FOXJ3: variants seen among roughly 807,000 people sequenced by gnomAD.
FOXJ3 encodes forkhead box J3, also known as forkhead box protein J3.
FOXJ3 carries 22 observed loss-of-function variants against 76.1 expected under a neutral mutation model. The ratio of observed to expected loss-of-function variants is 0.29; its 90% CI spans 0.21 to 0.41. The LOEUF (loss-of-function observed/expected upper bound fraction) is 0.41, where lower values mean the gene tolerates loss of function less well. FOXJ3 is among the 10% of genes least tolerant of loss of function. FOXJ3 has a pLI of 1.00. For synonymous variants in FOXJ3, 269 were observed against 261.2 expected (o/e 1.03, Z -0.29); for missense variants, 613 against 762.1 (o/e 0.80, Z 2.30).
At chr1:42,269,387 G>A (rs1381659123) in intron 3 of FOXJ3, among the ~76,000 whole-genome samples, 2 of 152,130 alleles carry the variant, frequency 1.3e-5, no homozygotes, top group Non-Finnish European at 2.9e-5. Context: ...TTCAAAGGAA[G>A]TACACACCTC....
chr1:42,279,504 T>G (rs1319398872), intron 2 of FOXJ3, among the ~76,000 whole-genome samples: 1 of 152,180 alleles, frequency 6.6e-6, no homozygotes, highest in Non-Finnish European at 1.5e-5. Context: ...GTCCAGTGAT[T>G]TGAATTCTGT....
chr1:42,180,217 G>C (rs1276192367), intron 12 of FOXJ3, among the ~76,000 whole-genome samples: 1 of 152,226 alleles, frequency 6.6e-6, no homozygotes, highest in African/African-American at 2.4e-5. Context: ...TGGTAAACAG[G>C]ATAATGATGG....
chr1:42,268,573 T>C (rs1651644621), intron 3 of FOXJ3, among the ~76,000 whole-genome samples: 1 of 152,032 alleles, frequency 6.6e-6, no homozygotes, highest in South Asian at 2.1e-4. Flanking sequence ...ATATAAAAAA[T>C]AAATTGTATA....
At chr1:42,216,611 T>C (rs903849035) in intron 5 of FOXJ3, among the ~76,000 whole-genome samples, 1 of 152,076 alleles carries the variant, frequency 6.6e-6, no homozygotes, top group African/African-American at 2.4e-5. Context: ...TATGAACATC[T>C]ACAGATGTAA....
intron 11 of FOXJ3, among the ~76,000 whole-genome samples, chr1:42,184,403 T>G (rs376590954): frequency 1.3e-5 from 2 of 152,172 alleles, no homozygotes; most frequent in East Asian, 1.9e-4. Context: ...CATAAAAGTC[T>G]TAACTTTCTG....
rs72952373 is a variant in FOXJ3 at position 42,247,690 on chromosome 1, C to T, written c.444+17425G>A. 8.0e-3 allele frequency among the ~76,000 whole-genome samples: 1,220 copies of T among 152,258 alleles called. 17 individuals are homozygous for T. The highest frequency in any genetic ancestry group is 0.028 in the African/African-American group (1,158 of 41,554). On this transcript the variant is annotated intron_variant, in intron 4 of 12. Transcript: ENST00000361346. ...AACCTCAAAACTGTGCGAATGTAAA[C>T]GGTAAAGCTGGCTGTTCCTCAAAAG... is the stretch of plus-strand genomic sequence containing the variant.
At chr1:42,333,485 C>T (rs1172215633) in intron 1 of FOXJ3, among the ~76,000 whole-genome samples, 1 of 152,056 alleles carries the variant, frequency 6.6e-6, no homozygotes, top group Non-Finnish European at 1.5e-5. Flanking sequence ...AGATTCACCT[C>T]AATTCTGAGA....
chr1:42,316,349 T>TATTTTTTTTTTTTC (rs1553169820), intron 1 of FOXJ3, among the ~76,000 whole-genome samples: 1 of 135,090 alleles, frequency 7.4e-6, no homozygotes, highest in Admixed American at 7.7e-5. Flanking sequence ...TTTTTTTTTT[T>TATTTTTTTTTTTTC]CTGTAGAAAC....
intron 5 of FOXJ3, among the ~76,000 whole-genome samples, chr1:42,214,226 G>C (rs999175560): frequency 6.6e-6 from 1 of 152,056 alleles, no homozygotes; most frequent in East Asian, 1.9e-4. Context: ...TTTCAATAGA[G>C]AGAGTAAAGG....
At chr1:42,274,732 T>C (rs1406386266) in intron 3 of FOXJ3, among the ~76,000 whole-genome samples, 1 of 151,972 alleles carries the variant, frequency 6.6e-6, no homozygotes, top group Non-Finnish European at 1.5e-5. Flanking sequence ...AAACAAAAAC[T>C]AATGAAACAA....
At chr1:42,291,692 A>C (rs2124706569) in intron 2 of FOXJ3, among the ~76,000 whole-genome samples, 1 of 152,276 alleles carries the variant, frequency 6.6e-6, no homozygotes, top group Non-Finnish European at 1.5e-5. Context: ...AGGCAGGAAG[A>C]TCGCCGGAGC....
chr1:42,215,331 A>C (rs1052390769), intron 5 of FOXJ3, among the ~76,000 whole-genome samples: 1 of 152,176 alleles, frequency 6.6e-6, no homozygotes, highest in Admixed American at 6.5e-5. Context: ...AAAATATCCA[A>C]AAGAAAAATA....
chr1:42,300,233 A>G (rs1654050047), intron 2 of FOXJ3, among the ~76,000 whole-genome samples: 1 of 152,074 alleles, frequency 6.6e-6, no homozygotes, highest in Non-Finnish European at 1.5e-5. Flanking sequence ...TAGATATGTG[A>G]GGTTTTGTTC....
Position 42,294,027 on chromosome 1 carries a change from G to C in FOXJ3, c.45-15355C>G, listed in dbSNP as rs557090155. Among the ~76,000 whole-genome samples, 4 of 152,218 alleles carry C rather than the reference G, an allele frequency of 2.6e-5. No individual in the cohort carries two copies. The East Asian group carries it at 5.8e-4, about 22-fold the overall frequency. ...CTCTTGAACACTAGTAAGGACGTAA[G>C]TATTCAATATATATTTGTCAGATTG... On this transcript the variant is annotated intron_variant, in intron 2 of 12. Coordinates refer to ENST00000361346, the MANE Select transcript of FOXJ3 (RefSeq NM_014947.5).
At chr1:42,276,816 ATATGT>A (rs1652299232) in intron 3 of FOXJ3, among the ~76,000 whole-genome samples, 1 of 152,218 alleles carries the variant, frequency 6.6e-6, no homozygotes, top group Non-Finnish European at 1.5e-5. Flanking sequence ...CTATCCTCTG[ATATGT>A]TATGCACAAA....
At chr1:42,274,854 A>G (rs1320056770) in intron 3 of FOXJ3, among the ~76,000 whole-genome samples, 1 of 152,014 alleles carries the variant, frequency 6.6e-6, no homozygotes, top group East Asian at 1.9e-4. Context: ...AGCTGAAATA[A>G]TAGGGCAATA....
At chr1:42,187,120 T>C (rs1250673215) in intron 11 of FOXJ3, among the ~76,000 whole-genome samples, 3 of 151,424 alleles carry the variant, frequency 2.0e-5, no homozygotes, top group African/African-American at 4.9e-5. Flanking sequence ...AGTGCTGGGA[T>C]TGCAGGCATG....
chr1:42,251,114 CACT>C (rs1650004750), intron 4 of FOXJ3, among the ~76,000 whole-genome samples: 1 of 152,002 alleles, frequency 6.6e-6, no homozygotes, highest in Non-Finnish European at 1.5e-5. Context: ...AATATAAAAA[CACT>C]ACATCAAAGC....
At position 42,194,940 on chromosome 1, in the gene FOXJ3, G is replaced by A; in HGVS notation, c.884C>T (p.Ser295Leu). The A allele has an allele frequency of 6.2e-7, 1 of 1,612,350 alleles. No individual in the cohort carries two copies. The highest frequency in any genetic ancestry group is 8.5e-7 in the Non-Finnish European group (1 of 1,179,214). Residue 295 changes from serine (S) to leucine (L), a missense_variant, in exon 8 of 13, where the codon TCA becomes TTA. By Grantham distance (145) the Ser-to-Leu change is moderately radical. Transcript: ENST00000361346. ...AACTGACTTATAAAGGCTCCGAAAT[G>A]AGGCACTAAGATCTTCAAAATTATA... The part of the protein sequence containing the change: ...SEYNFEDLSA[S>L]FRSLYKSVFE...
Sources: gnomAD v4.1 joint callset for allele counts (sites outside exome capture counted in the v4.1 genomes callset) on GRCh38, gnomAD v4.1.1 for gene constraint, MANE v1.5 for transcripts, NCBI Gene and HGNC (gene_info 2026-07-23, HGNC 2026-07-21) for gene names.